DNHD1: variants seen among roughly 807,000 people sequenced by gnomAD.
DNHD1 encodes dynein heavy chain domain-containing protein 1.
A neutral mutation model predicts 458.1 loss-of-function variants in DNHD1; 383 were observed. That is an observed-to-expected ratio of 0.84 (90% CI 0.77 to 0.91). DNHD1 has a LOEUF of 0.91. DNHD1 is among the 40% of genes least tolerant of loss of function. The pLI is 0.00. For missense variants in DNHD1, 5,336 were observed against 5,866.1 expected, an observed-to-expected ratio of 0.91 and a Z score of 2.95; for synonymous variants, 2,203 against 2,376.9, an observed-to-expected ratio of 0.93 and a Z score of 2.13.
chr11:6,501,727 G>T (rs1385596652), intron 3 of DNHD1, among the ~76,000 whole-genome samples: 2 of 152,146 alleles, frequency 1.3e-5, no homozygotes, highest in Admixed American at 6.5e-5. Flanking sequence ...GGCAGAATGA[G>T]CCCACAGCTG....
chr11:6,567,918 G>A lies in DNHD1; in HGVS notation c.12351+58G>A, dbSNP rs1256138540. The stretch of plus-strand genomic sequence containing the variant: ...CAGGCTCCTGTGGGCTGGGGCATGG[G>A]GGACCCCCTCCAAGCATTTTCATGG... On this transcript the variant is annotated intron_variant, in intron 36 of 42. Coordinates refer to ENST00000254579, the MANE Select transcript of DNHD1 (RefSeq NM_144666.3). 6 of 1,503,412 alleles carry A rather than the reference G, an allele frequency of 4.0e-6. No individual in the cohort carries two copies. In the African/African-American group the frequency reaches 5.6e-5, roughly 14 times the overall value. 93.1% of individuals were successfully genotyped at this position (1,503,412 alleles called of 1,614,324 possible). A position where few individuals can be genotyped will look rare whatever the true frequency, so the allele number is the denominator to read the frequency against.
intron 7 of DNHD1, among the ~76,000 whole-genome samples, chr11:6,516,192 G>A (rs1329077389): frequency 9.3e-5 from 14 of 150,716 alleles, no homozygotes; most frequent in Admixed American, 9.3e-4. Context: ...TCTGCTTGCT[G>A]TTCTTTCAGT....
At chr11:6,518,926 A>G (rs1852546298) in intron 7 of DNHD1, among the ~76,000 whole-genome samples, 1 of 152,208 alleles carries the variant, frequency 6.6e-6, no homozygotes, top group African/African-American at 2.4e-5. Context: ...GAGCATCAAA[A>G]GGAACAGGAA....
chr11:6,562,952 G>T, intron 28 of DNHD1, 30 bp from the exon 29 acceptor site: 1 of 1,545,648 alleles, frequency 6.5e-7, no homozygotes, highest in South Asian at 1.2e-5. Flanking sequence ...CCAAGATCTG[G>T]AGCTGCAGGG....
chr11:6,567,878 T>TGGCCACA lies in DNHD1; in HGVS notation c.12351+20_12351+26dup. On this transcript the variant is annotated intron_variant, in intron 36 of 42. Coordinates refer to ENST00000254579, the MANE Select transcript of DNHD1 (RefSeq NM_144666.3). ...ATCAGCAGGTTTGAACCTAGTTTCT[T>TGGCCACA]GGCCACAGAGTGACCAGGCTCCTGT... 1 of 1,598,468 alleles carries TGGCCACA rather than the reference T, an allele frequency of 6.3e-7. No homozygotes were observed. The highest frequency in any genetic ancestry group is 8.5e-7 in the Non-Finnish European group (1 of 1,173,236).
In DNHD1 at chr11:6,551,750, G is replaced by A. The variant is rs902448071; in HGVS notation, c.7387+2817G>A. 3.3e-5 allele frequency among the ~76,000 whole-genome samples: 5 copies of A among 152,310 alleles called. No individual in the cohort carries two copies. The South Asian group carries it at 6.2e-4, about 19-fold the overall frequency. ...GAGGTCAGGAGATGGAGACCATCCTGGCCAACATGGTGAAACCCCGTCTCT... is the reference window on the plus strand; with the variant it reads ...GAGGTCAGGAGATGGAGACCATCCTAGCCAACATGGTGAAACCCCGTCTCT... On this transcript the variant is annotated intron_variant, in intron 24 of 42. Coordinates refer to ENST00000254579, the MANE Select transcript of DNHD1 (RefSeq NM_144666.3).
At chr11:6,562,447 T>C (rs988162516) in intron 28 of DNHD1, among the ~76,000 whole-genome samples, 1 of 151,928 alleles carries the variant, frequency 6.6e-6, no homozygotes, top group Non-Finnish European at 1.5e-5. Flanking sequence ...GATTTGGCAG[T>C]TGGAACGTAA....
Position 6,538,602 on chromosome 11 carries a change from C to G in DNHD1, c.3127-10C>G. 1 of 1,547,466 alleles carries G rather than the reference C, an allele frequency of 6.5e-7. No homozygotes were observed. The highest frequency in any genetic ancestry group is 2.4e-5 in the East Asian group (1 of 40,868). ...AGTCTCAAGCTGACAGTGAGCCCTT[C>G]TCCCTGCAGTTCAGCCCAGCTATGG... On this transcript the variant is annotated splice_polypyrimidine_tract_variant and intron_variant, in intron 15 of 42. Coordinates refer to ENST00000254579, the MANE Select transcript of DNHD1 (RefSeq NM_144666.3).
Position 6,557,295 on chromosome 11 carries a change from A to G in DNHD1, c.8000A>G (p.Tyr2667Cys). 1 of 1,551,578 alleles carries G rather than the reference A, an allele frequency of 6.4e-7. No individual in the cohort carries two copies. Among genetic ancestry groups the G allele is most frequent in the Non-Finnish European group, 8.7e-7 (1 of 1,146,990 alleles). The change falls in exon 25 of 43, where the codon TAC becomes TGC. Residue 2667 changes from tyrosine to cysteine, a missense_variant. Coordinates refer to ENST00000254579, the MANE Select transcript of DNHD1 (RefSeq NM_144666.3). ...CTGGACAGCCCCAGGGAACGCTCCTACTGTGCCAAGCTGCTCCTAGTAGTA... is the reference window on the plus strand; with the variant it reads ...CTGGACAGCCCCAGGGAACGCTCCTGCTGTGCCAAGCTGCTCCTAGTAGTA... ...DRLDSPRERS[Y>C]CAKLLLVVAQ...
intron 3 of DNHD1, among the ~76,000 whole-genome samples, chr11:6,499,272 G>A (rs1425961919): frequency 7.9e-5 from 12 of 152,174 alleles, no homozygotes; most frequent in Admixed American, 7.9e-4. Flanking sequence ...CTTAGATGAT[G>A]TCAGAAGTCT....
Position 6,547,381 on chromosome 11 carries a change from G to T in DNHD1, c.6442G>T (p.Gly2148Cys), listed in dbSNP as rs1450159482. The T allele has an allele frequency of 2.6e-6, 4 of 1,551,614 alleles. No homozygotes were observed. The highest frequency in any genetic ancestry group is 3.5e-6 in the Non-Finnish European group (4 of 1,147,010). Residue 2148 changes from glycine to cysteine, a missense_variant, in exon 21 of 43, where the codon GGT becomes TGT. Gly to Cys is a radical substitution (Grantham distance 159). Coordinates refer to ENST00000254579, the MANE Select transcript of DNHD1 (RefSeq NM_144666.3). ...VVGCCALVWCGGEQTWQCILS... is the reference protein window; with the variant it reads ...VVGCCALVWCCGEQTWQCILS... ...AGGCTGTTGTGCCCTAGTCTGGTGT[G>T]GTGGAGAGCAGACTTGGCAGTGTAT...
At chr11:6,540,409 G>C (rs1440264490) in intron 18 of DNHD1, among the ~76,000 whole-genome samples, 1 of 152,116 alleles carries the variant, frequency 6.6e-6, no homozygotes, top group Admixed American at 6.5e-5. Flanking sequence ...ATTGCACCCT[G>C]CTGTCTGATT....
intron 24 of DNHD1, among the ~76,000 whole-genome samples, chr11:6,556,427 CATT>C (rs1405749179): frequency 6.6e-6 from 1 of 152,160 alleles, no homozygotes; most frequent in African/African-American, 2.4e-5. Flanking sequence ...AATGATTATT[CATT>C]ATTATCATTA....
At position 6,568,722 on chromosome 11, in the gene DNHD1, A is replaced by G. The variant is rs759072846; in HGVS notation, c.12719A>G (p.His4240Arg). 1.2e-6 allele frequency: 2 copies of G among 1,613,806 alleles called. No homozygotes were observed. The highest frequency in any genetic ancestry group is 4.5e-5 in the East Asian group (2 of 44,872). The change falls in exon 39 of 43, where the codon CAT becomes CGT. Residue 4240 changes from histidine to arginine, a missense_variant. Transcript: ENST00000254579. ...VFWNQSLELG[H>R]VLIDSVELAQ... ...TGGAACCAGTCCCTGGAGCTGGGCC[A>G]TGTTTTGATTGACAGTGTGGAGCTA... is the stretch of plus-strand genomic sequence containing the variant.
chr11:6,564,497 A>G lies in DNHD1; in HGVS notation c.10449A>G (p.Ala3483=). The change falls in exon 32 of 43, where the codon GCA becomes GCG. Residue 3483 remains alanine (A), a synonymous_variant. Transcript: ENST00000254579. The part of the protein sequence containing the change: ...FQEALGPDDV[A]QALKRKQKSV... The stretch of plus-strand genomic sequence containing the variant: ...AGGCTCTGGGCCCAGATGATGTGGC[A>G]CAGGCACTGAAGCGGAAGCAAAAAT... 6.4e-7 allele frequency: 1 copy of G among 1,551,698 alleles called. No homozygotes were observed. The highest frequency in any genetic ancestry group is 1.2e-5 in the South Asian group (1 of 84,060).
chr11:6,532,678 G>A (rs980693833), intron 12 of DNHD1, among the ~76,000 whole-genome samples: 3 of 152,004 alleles, frequency 2.0e-5, no homozygotes, highest in East Asian at 1.9e-4. Flanking sequence ...GATACCCCCC[G>A]GCACCCCCAC....
At position 6,566,991 on chromosome 11, in the gene DNHD1, C is replaced by A; in HGVS notation, c.11482C>A (p.Gln3828Lys). The part of the protein sequence containing the change: ...NIVRAQGKLC[Q>K]LRAHCEELEG... The stretch of plus-strand genomic sequence containing the variant: ...AGTGAGGGCCCAAGGAAAGCTATGC[C>A]AGCTGCGTGCTCATTGTGAAGAGTT... Residue 3828 changes from glutamine to lysine, a missense_variant, in exon 36 of 43, where the codon CAG becomes AAG. Transcript: ENST00000254579. The A allele has an allele frequency of 6.2e-7, 1 of 1,614,038 alleles. No individual in the cohort carries two copies. The highest frequency in any genetic ancestry group is 8.5e-7 in the Non-Finnish European group (1 of 1,179,900).
In DNHD1 at chr11:6,509,049, T is replaced by G; in HGVS notation, c.1090T>G (p.Phe364Val). The change falls in exon 5 of 43, where the codon TTT (phenylalanine) becomes GTT (valine). Residue 364 changes from phenylalanine (F) to valine (V), a missense_variant. Physicochemically the swap from Phe to Val is conservative, Grantham distance 50 (BLOSUM62 -1). Around this residue, in one of 4 missense-constraint regions of DNHD1, gnomAD observed 3,932 missense variants for 4,365.6 expected, o/e 0.90. Coordinates refer to ENST00000254579, the MANE Select transcript of DNHD1 (RefSeq NM_144666.3). The part of the protein sequence containing the change: ...LWQQLQFIPF[F>V]KYCLLRKSFT... ...GCAGCAGCTCCAGTTCATTCCATTC[T>G]TTAAGTATTGCCTCTTACGCAAGTC... 1 of 1,614,206 alleles carries G rather than the reference T, an allele frequency of 6.2e-7. No individual in the cohort carries two copies. The highest frequency in any genetic ancestry group is 8.5e-7 in the Non-Finnish European group (1 of 1,180,006).
intron 32 of DNHD1, among the ~76,000 whole-genome samples, chr11:6,565,328 GGC>G (rs1230923231): frequency 6.6e-6 from 1 of 152,154 alleles, no homozygotes; most frequent in Non-Finnish European, 1.5e-5. Flanking sequence ...CCTTACAAGA[GGC>G]AGAAGAAAAG....
Sources: gnomAD v4.1 joint callset for allele counts (sites outside exome capture counted in the v4.1 genomes callset) on GRCh38, gnomAD v4.1.1 for gene constraint, gnomAD v4.1.1 regional missense constraint, MANE v1.5 for transcripts, NCBI Gene and HGNC (gene_info 2026-07-23, HGNC 2026-07-21) for gene names.